Variants in NXPE2 observed in about 807,000 individuals in gnomAD.
NXPE2 encodes the protein NXPE family member 2.
NXPE2 carries 34 observed loss-of-function variants against 34.4 expected under a neutral mutation model. That is an observed-to-expected ratio of 0.99 (90% CI 0.75 to 1.31). The LOEUF (loss-of-function observed/expected upper bound fraction) is 1.31. Among genes scored for constraint, NXPE2 ranks in the 40% most tolerant of loss-of-function variants. NXPE2 has a pLI of 0.00. For synonymous variants in NXPE2, 235 were observed against 231.3 expected (o/e 1.02, Z -0.15); for missense variants, 649 against 672.5 (o/e 0.97, Z 0.39).
the NXPE2 span, among the ~76,000 whole-genome samples, chr11:114,785,641 C>A: frequency 6.6e-6 from 1 of 152,154 alleles, no homozygotes; most frequent in East Asian, 1.9e-4. Context: ...ATAATTCCCT[C>A]CCTCTCTGGG....
chr11:114,615,494 C>G, the NXPE2 span, among the ~76,000 whole-genome samples: 1 of 151,848 alleles, frequency 6.6e-6, no homozygotes, highest in Non-Finnish European at 1.5e-5. Context: ...ACCACTGTTA[C>G]CTGGTGGATA....
chr11:114,611,113 G>A, the NXPE2 span, among the ~76,000 whole-genome samples: 1 of 146,500 alleles, frequency 6.8e-6, no homozygotes, highest in Admixed American at 6.9e-5. Flanking sequence ...GAAACCAGTG[G>A]ATAGTTAGTA....
the NXPE2 span, among the ~76,000 whole-genome samples, chr11:114,640,606 T>C: frequency 2.0e-5 from 3 of 152,092 alleles, no homozygotes; most frequent in South Asian, 6.2e-4. Context: ...CACCACATCT[T>C]CACGAACATC....
chr11:114,671,263 A>T, the NXPE2 span, among the ~76,000 whole-genome samples: 5 of 151,544 alleles, frequency 3.3e-5, no homozygotes, highest in Non-Finnish European at 1.5e-5. Flanking sequence ...AGAGAAAAAT[A>T]ATAAGAATAT....
At chr11:114,610,935 G>A in the NXPE2 span, among the ~76,000 whole-genome samples, 3 of 151,578 alleles carry the variant, frequency 2.0e-5, no homozygotes, top group Admixed American at 2.0e-4. Context: ...TGCCTCGTGG[G>A]TAACCACTGT....
the NXPE2 span, among the ~76,000 whole-genome samples, chr11:114,666,671 A>G: frequency 6.6e-6 from 1 of 152,128 alleles, no homozygotes; most frequent in South Asian, 2.1e-4. Flanking sequence ...AATATTATTC[A>G]TGGTTTCACA....
At chr11:114,508,172 G>A in the NXPE2 span, among the ~76,000 whole-genome samples, 7 of 152,218 alleles carry the variant, frequency 4.6e-5, no homozygotes, top group South Asian at 1.0e-3. Context: ...AAATACCTAC[G>A]AATACACCTA....
the NXPE2 span, among the ~76,000 whole-genome samples, chr11:114,560,590 G>A: frequency 6.6e-6 from 1 of 152,096 alleles, no homozygotes; most frequent in Non-Finnish European, 1.5e-5. Flanking sequence ...GTTTGAAAAG[G>A]ATATCTAATA....
chr11:114,632,548 A>G, the NXPE2 span, among the ~76,000 whole-genome samples: 2 of 118,030 alleles, frequency 1.7e-5, no homozygotes, highest in South Asian at 4.7e-4. Flanking sequence ...TTATATATGT[A>G]TATATTTGTT....
the NXPE2 span, among the ~76,000 whole-genome samples, chr11:114,795,670 G>A: frequency 3.9e-5 from 6 of 152,190 alleles, no homozygotes; most frequent in East Asian, 1.9e-4. Flanking sequence ...ACCCCTGAGG[G>A]AAACCACTCT....
At chr11:114,725,648 G>A in the NXPE2 span, among the ~76,000 whole-genome samples, 1 of 151,870 alleles carries the variant, frequency 6.6e-6, no homozygotes. Context: ...CCCTCTGGTT[G>A]AGATCCTTGA....
the NXPE2 span, among the ~76,000 whole-genome samples, chr11:114,748,505 C>G: frequency 6.6e-6 from 1 of 152,142 alleles, no homozygotes; most frequent in Non-Finnish European, 1.5e-5. Context: ...TCACTCTGGC[C>G]CAATTCTCAG....
chr11:114,693,758 C>G (rs76217993), intron 2 of NXPE2, among the ~76,000 whole-genome samples: 6 of 152,236 alleles, frequency 3.9e-5, no homozygotes, highest in South Asian at 4.1e-4. Context: ...CCACAACTTG[C>G]AAGAGAATAG....
the NXPE2 span, among the ~76,000 whole-genome samples, chr11:114,648,733 G>T: frequency 2.0e-5 from 3 of 152,162 alleles, no homozygotes; most frequent in East Asian, 5.8e-4. Flanking sequence ...CAACTATCCC[G>T]CATACAACTA....
the NXPE2 span, among the ~76,000 whole-genome samples, chr11:114,538,461 G>A: frequency 2.0e-3 from 298 of 152,234 alleles, 1 homozygote; most frequent in African/African-American, 6.2e-3. Flanking sequence ...CTTCTGCACA[G>A]CAAAAGAAAC....
chr11:114,504,508 A>G, the NXPE2 span, among the ~76,000 whole-genome samples: 1 of 152,200 alleles, frequency 6.6e-6, no homozygotes, highest in South Asian at 2.1e-4. Context: ...CTCTAGCACT[A>G]TGCTGTTGCT....
the NXPE2 span, among the ~76,000 whole-genome samples, chr11:114,788,202 G>A: frequency 6.6e-6 from 1 of 152,164 alleles, no homozygotes; most frequent in Non-Finnish European, 1.5e-5. Flanking sequence ...TTTCAACACG[G>A]CCATGAGAAG....
At chr11:114,673,356 C>G in the NXPE2 span, among the ~76,000 whole-genome samples, 2 of 151,326 alleles carry the variant, frequency 1.3e-5, no homozygotes, top group Non-Finnish European at 3.0e-5. Context: ...TGTGGCTGTT[C>G]ACACCCATAT....
At chr11:114,624,881 C>A in the NXPE2 span, among the ~76,000 whole-genome samples, 2 of 152,040 alleles carry the variant, frequency 1.3e-5, no homozygotes, top group Admixed American at 1.3e-4. Context: ...CCACTGTAAC[C>A]TGGTGGATAA....
Sources: allele counts gnomAD v4.1 joint callset (sites outside exome capture counted in the v4.1 genomes callset), GRCh38; gene constraint gnomAD v4.1.1; transcripts MANE v1.5; gene names NCBI Gene and HGNC (gene_info 2026-07-23, HGNC 2026-07-21).